The following TSPAN16 variants were observed in gnomAD, a reference collection of about 807,000 sequenced individuals.
TSPAN16 encodes the protein tetraspanin 16.
In TSPAN16, 23 loss-of-function variants were observed where a neutral mutation model predicts 25.2. That is an observed-to-expected ratio of 0.91 (90% CI 0.66 to 1.29). The LOEUF (loss-of-function observed/expected upper bound fraction) is 1.29, where lower values mean the gene tolerates loss of function less well. Among genes scored for constraint, TSPAN16 ranks in the 50% most tolerant of loss-of-function variants. TSPAN16 has a pLI of 0.00. For missense variants in TSPAN16, 272 were observed against 299.9 expected, an observed-to-expected ratio of 0.91 and a Z score of 0.69; for synonymous variants, 123 against 124.4, an observed-to-expected ratio of 0.99 and a Z score of 0.08.
chr19:11,325,638 C>G, intron 6 of TSPAN16: 1 of 1,511,032 alleles, frequency 6.6e-7, no homozygotes, highest in South Asian at 1.2e-5. Flanking sequence ...GGCAGAGTCT[C>G]AGCTGTGGCA....
intron 4 of TSPAN16, among the ~76,000 whole-genome samples, chr19:11,302,660 C>CATATATATATTTTATATATATATATATAT (rs1320880788): frequency 2.0e-5 from 2 of 97,844 alleles, no homozygotes; most frequent in Admixed American, 1.1e-4. Context: ...TATACACATA[C>CATATATATATTTTATATATATATATATAT]ATATATATAT....
chr19:11,303,043 C>T (rs1276702478), intron 4 of TSPAN16, among the ~76,000 whole-genome samples: 12 of 150,906 alleles, frequency 8.0e-5, no homozygotes, highest in East Asian at 3.9e-4. Context: ...GCCACCACCC[C>T]GTCTGGGAGG....
At position 11,298,898 on chromosome 19, in the gene TSPAN16, C is replaced by T. The variant is rs780509153; in HGVS notation, c.294C>T (p.Leu98=). The T allele has an allele frequency of 3.1e-6, 5 of 1,614,132 alleles. No homozygotes were observed. Among genetic ancestry groups the T allele is most frequent in the Non-Finnish European group, 4.2e-6 (5 of 1,180,012 alleles). The change falls in exon 3 of 7, where the codon CTC becomes CTT. Residue 98 remains leucine, a synonymous_variant. Transcript: ENST00000590327. ...GCATCCTGTCAATGGTTATTGTCCT[C>T]ATCATGGAAGTTACAGCTGCCACAG... ...LFCILSMVIV[L]IMEVTAATVV...
chr19:11,296,339 G>A lies in TSPAN16; in HGVS notation c.42G>A (p.Leu14=). Residue 14 remains leucine (L), a synonymous_variant, in exon 1 of 7, where the codon CTG becomes CTA. Transcript: ENST00000590327. ...IHTPYSSLKK[L]LSLLNGFVAV... ...CTCCGTATTCTTCCTTGAAGAAACT[G>A]TTATCTTTACTCAATGGCTTCGTGG... The A allele has an allele frequency of 6.2e-7, 1 of 1,614,160 alleles. No homozygotes were observed.
intron 6 of TSPAN16, chr19:11,325,539 C>T: frequency 1.9e-6 from 3 of 1,613,700 alleles, no homozygotes; most frequent in Non-Finnish European, 2.5e-6. Context: ...CGAAGACCTG[C>T]TTCACATTGA....
chr19:11,300,900 T>C (rs1020063609), intron 3 of TSPAN16: 10 of 232,814 alleles, frequency 4.3e-5, no homozygotes, highest in African/African-American at 2.0e-4. Context: ...TACAGCCACA[T>C]CGTGGGTGCA....
At chr19:11,307,059 T>C (rs188440257) in intron 5 of TSPAN16, among the ~76,000 whole-genome samples, 41 of 150,122 alleles carry the variant, frequency 2.7e-4, no homozygotes, top group Middle Eastern at 3.7e-3. Context: ...CCACCCACCT[T>C]GGCCTCCCAA....
intron 6 of TSPAN16, among the ~76,000 whole-genome samples, chr19:11,321,655 G>A (rs2080780442): frequency 6.6e-6 from 1 of 152,196 alleles, no homozygotes; most frequent in Non-Finnish European, 1.5e-5. Context: ...CAAGTGTGGG[G>A]AGGCCAGTGG....
intron 4 of TSPAN16, among the ~76,000 whole-genome samples, chr19:11,302,661 A>ATATATATATATATG (rs1555703586): frequency 1.1e-4 from 11 of 101,874 alleles, no homozygotes; most frequent in African/African-American, 4.7e-4. Context: ...ATACACATAC[A>ATATATATATATATG]TATATATATA....
chr19:11,305,487 G>A (rs966253701), intron 4 of TSPAN16, among the ~76,000 whole-genome samples: 42 of 151,788 alleles, frequency 2.8e-4, no homozygotes, highest in African/African-American at 9.7e-4. Context: ...CCAAGATCGC[G>A]CCATTGCACT....
In TSPAN16 at chr19:11,296,290, T is replaced by C. The variant is rs755264489; in HGVS notation, c.-8T>C. The C allele has an allele frequency of 1.2e-6, 2 of 1,613,778 alleles. No individual in the cohort carries two copies. The highest frequency in any genetic ancestry group is 2.2e-5 in the South Asian group (2 of 91,060). The stretch of plus-strand genomic sequence containing the variant: ...CTTAAATGTTCAGGGTGCCCCAGTC[T>C]GTTCAGCATGGCTGAAATCCACACT... On this transcript the variant is annotated 5_prime_UTR_variant, in exon 1 of 7. Transcript: ENST00000590327.
downstream of TSPAN16, among the ~76,000 whole-genome samples, chr19:11,316,804 C>A (rs1421603322): frequency 2.1e-5 from 3 of 141,094 alleles, no homozygotes; most frequent in Non-Finnish European, 3.0e-5. Context: ...AGCAAGACCC[C>A]CCCCGCCTTT....
chr19:11,303,748 G>A (rs1005851598), intron 4 of TSPAN16, among the ~76,000 whole-genome samples: 2 of 151,032 alleles, frequency 1.3e-5, no homozygotes, highest in African/African-American at 4.9e-5. Context: ...CAATGCAGGA[G>A]TCTAATTTCT....
intron 5 of TSPAN16, among the ~76,000 whole-genome samples, chr19:11,309,505 C>A (rs888835136): frequency 2.6e-5 from 4 of 152,248 alleles, no homozygotes; most frequent in African/African-American, 7.2e-5. Context: ...GGCTTTCCCT[C>A]TGCCTGGAGT....
intron 4 of TSPAN16, among the ~76,000 whole-genome samples, chr19:11,302,711 A>T (rs2080576168): frequency 6.8e-6 from 1 of 146,120 alleles, no homozygotes; most frequent in African/African-American, 2.6e-5. Context: ...ACACACATAC[A>T]TATATATATT....
chr19:11,305,327 C>G (rs1041221046), intron 4 of TSPAN16, among the ~76,000 whole-genome samples: 10 of 151,146 alleles, frequency 6.6e-5, no homozygotes, highest in Non-Finnish European at 1.5e-4. Context: ...GTCAGCAGTT[C>G]GAGACCAGCC....
chr19:11,298,100 C>A (rs2080499135), intron 1 of TSPAN16, 42 bp from the exon 2 acceptor site: 3 of 1,602,414 alleles, frequency 1.9e-6, no homozygotes, highest in Non-Finnish European at 2.6e-6. Flanking sequence ...TTGTATACAA[C>A]TAACAGATTA....
intron 5 of TSPAN16, 119 bp from the exon 6 acceptor site, chr19:11,312,020 C>T (rs557865636): frequency 8.7e-5 from 63 of 725,128 alleles, no homozygotes; most frequent in East Asian, 3.8e-4. Flanking sequence ...GCTCTCTCCC[C>T]GCTTCTCCTC....
intron 6 of TSPAN16, among the ~76,000 whole-genome samples, chr19:11,321,059 C>T (rs998623555): frequency 6.6e-6 from 1 of 151,758 alleles, no homozygotes; most frequent in African/African-American, 2.4e-5. Context: ...ATCCCAGCTA[C>T]TCGGGAGGCT....
Sources: gnomAD v4.1 joint callset for allele counts (sites outside exome capture counted in the v4.1 genomes callset) on GRCh38, gnomAD v4.1.1 for gene constraint, MANE v1.5 for transcripts, NCBI Gene and HGNC (gene_info 2026-07-23, HGNC 2026-07-21) for gene names.